TRIM46: variants seen among roughly 807,000 people sequenced by gnomAD.
The protein encoded by TRIM46 is tripartite motif-containing protein 46.
A neutral mutation model predicts 69.7 loss-of-function variants in TRIM46; 17 were observed. The observed-to-expected ratio is 0.24, with a 90% confidence interval of 0.17 to 0.37. The LOEUF (loss-of-function observed/expected upper bound fraction) is 0.37. Among genes scored for constraint, TRIM46 ranks in the 10% least tolerant of loss-of-function variants. The probability of loss-of-function intolerance (pLI) is 1.00; values close to 1 mark genes in which losing one functional copy is unlikely to be tolerated. For synonymous variants in TRIM46, 391 were observed against 429.0 expected (o/e 0.91, Z 1.09); for missense variants, 675 against 1,025.1 (o/e 0.66, Z 4.66).
chr1:155,181,792 C>G lies in TRIM46; in HGVS notation c.1589-60C>G, dbSNP rs1666191387. 11 of 1,551,344 alleles carry G rather than the reference C, an allele frequency of 7.1e-6. No individual in the cohort carries two copies. The highest frequency in any genetic ancestry group is 9.6e-6 in the Non-Finnish European group (11 of 1,141,350). On this transcript the variant is annotated intron_variant, in intron 8 of 9. Coordinates refer to ENST00000334634, the MANE Select transcript of TRIM46 (RefSeq NM_025058.5). This position sits in a 1 kb window ranked among gnomAD's most constrained non-coding sequence, Gnocchi z 4.3. ...TCCCTGTTCTGCAGTCTCACAGCCC[C>G]CAGTGCCAGTGTTTGTCCCTGAAGT...
chr1:155,178,739 T>TTGGGGCCCCC, intron 7 of TRIM46, 126 bp downstream of exon 7: 51 of 1,348,378 alleles, frequency 3.8e-5, no homozygotes, highest in Non-Finnish European at 5.2e-5. Flanking sequence ...CAGCCATTCC[T>TTGGGGCCCCC]CCCACCCAGC....
Position 155,181,702 on chromosome 1 carries a change from T to G in TRIM46, c.1589-150T>G. 6 of 559,484 alleles carry G rather than the reference T, an allele frequency of 1.1e-5. No individual in the cohort carries two copies. The highest frequency in any genetic ancestry group is 4.1e-4 in the Middle Eastern group (1 of 2,414). 34.7% of individuals were successfully genotyped at this position (559,484 alleles called of 1,614,324 possible). On this transcript the variant is annotated intron_variant, in intron 8 of 9. Coordinates refer to ENST00000334634, the MANE Select transcript of TRIM46 (RefSeq NM_025058.5). This position sits in a 1 kb window ranked among gnomAD's most constrained non-coding sequence, Gnocchi z 4.3. ...TTTTCCTCATGCCCCCCATTCCAGT[T>G]TCCCATGTCCTGTTCTCCTGAACCC...
intron 5 of TRIM46, 136 bp downstream of exon 5, chr1:155,177,426 G>C (rs903018775): frequency 6.1e-5 from 46 of 754,436 alleles, no homozygotes; most frequent in African/African-American, 4.0e-4. Context: ...GGTTAAACCA[G>C]GTTTGCAGGA....
Position 155,184,035 on chromosome 1 carries a change from T to G in TRIM46, c.2125T>G (p.Ser709Ala). Residue 709 changes from serine to alanine, a missense_variant, in exon 10 of 10, where the codon TCC (serine) becomes GCC (alanine). Physicochemically the swap from Ser to Ala is moderately conservative, Grantham distance 99 (BLOSUM62 1). This residue lies in a region of TRIM46 where 108 missense variants were observed against 153.0 expected (regional missense o/e 0.71). Coordinates refer to ENST00000334634, the MANE Select transcript of TRIM46 (RefSeq NM_025058.5). The surrounding 1 kb of genome is among the most constrained non-coding windows in gnomAD (Gnocchi z 5.6). ...CCGGGTTTCCTTCCTGGATGCTGTT[T>G]CCTTCCGTGGGCTCTTGGAGTGCCC... Reference protein sequence around the residue: ...RGRVSFLDAVSFRGLLECPLD... With the variant: ...RGRVSFLDAVAFRGLLECPLD... 6.2e-7 allele frequency: 1 copy of G among 1,614,154 alleles called. No homozygotes were observed.
At position 155,182,084 on chromosome 1, in the gene TRIM46, G is replaced by A. The variant is rs1571758083; in HGVS notation, c.1821G>A (p.Val607=). 6.2e-7 allele frequency: 1 copy of A among 1,614,068 alleles called. No homozygotes were observed. Among genetic ancestry groups the A allele is most frequent in the Admixed American group, 1.7e-5 (1 of 59,992 alleles). Residue 607 remains valine, a synonymous_variant, in exon 9 of 10, where the codon GTG becomes GTA. Transcript: ENST00000334634. ...ACCCAGCCTCCTACTTGGTCAAGGT[G>A]GGCGTCGGGCTGGAGAGCAAGCTTC... ...AVDPASYLVK[V]GVGLESKLQE...
rs765689681 is a variant in TRIM46 at position 155,175,759 on chromosome 1, A to T, written c.325+112A>T. The T allele has an allele frequency of 4.4e-6, 7 of 1,590,970 alleles. No homozygotes were observed. Among genetic ancestry groups the T allele is most frequent in the Non-Finnish European group, 6.0e-6 (7 of 1,163,570 alleles). On this transcript the variant is annotated intron_variant, in intron 2 of 9. Coordinates refer to ENST00000334634, the MANE Select transcript of TRIM46 (RefSeq NM_025058.5). The surrounding 1 kb of genome is among the most constrained non-coding windows in gnomAD (Gnocchi z 4.2). ...CTGTCTGTCTTTCTGGGGGGTGGAG[A>T]TACTGCTTACGCAGGCTCTAATGAG...
Position 155,175,699 on chromosome 1 carries a change from G to T in TRIM46, c.325+52G>T. On this transcript the variant is annotated intron_variant, in intron 2 of 9. Coordinates refer to ENST00000334634, the MANE Select transcript of TRIM46 (RefSeq NM_025058.5). The surrounding 1 kb of genome is among the most constrained non-coding windows in gnomAD (Gnocchi z 4.2). ...ATGGGAACGCTGAGCTATTCATCAG[G>T]AAGATGGAAGAAGTCCATCACTGGT... is the stretch of plus-strand genomic sequence containing the variant. 1 of 1,610,684 alleles carries T rather than the reference G, an allele frequency of 6.2e-7. No homozygotes were observed. Among genetic ancestry groups the T allele is most frequent in the Non-Finnish European group, 8.5e-7 (1 of 1,179,660 alleles).
Position 155,179,729 on chromosome 1 carries a change from C to T in TRIM46, c.1383C>T (p.His461=), listed in dbSNP as rs76872124. Residue 461 remains histidine (H), a synonymous_variant, in exon 8 of 10, where the codon CAC becomes CAT. Coordinates refer to ENST00000334634, the MANE Select transcript of TRIM46 (RefSeq NM_025058.5). ...CCCCCCATTCACCACCTGCCTGGCA[C>T]TATACCGTTGAGTTCCGGCGCACGG... ...RLPPHSPPAW[H]YTVEFRRTDV... 2.8e-3 allele frequency: 4,479 copies of T among 1,613,546 alleles called. 242 individuals are homozygous for T. The East Asian group carries it at 0.082, about 30-fold the overall frequency.
In TRIM46 at chr1:155,179,741, G is replaced by A; in HGVS notation, c.1395G>A (p.Glu465=). The A allele has an allele frequency of 6.2e-7, 1 of 1,613,378 alleles. No homozygotes were observed. The highest frequency in any genetic ancestry group is 1.6e-4 in the Middle Eastern group (1 of 6,062). The change falls in exon 8 of 10, where the codon GAG becomes GAA. Residue 465 remains glutamate, a synonymous_variant. Transcript: ENST00000334634. ...HSPPAWHYTV[E]FRRTDVPAQP... is the part of the protein sequence containing the mutation. ...CACCTGCCTGGCACTATACCGTTGA[G>A]TTCCGGCGCACGGATGTGCCTGCTC...
At chr1:155,178,739 T>TTGCCCCCCCCCCCCCCCCCCC in intron 7 of TRIM46, 126 bp downstream of exon 7, 10 of 1,348,468 alleles carry the variant, frequency 7.4e-6, no homozygotes, top group Non-Finnish European at 1.0e-5. Context: ...CAGCCATTCC[T>TTGCCCCCCCCCCCCCCCCCCC]CCCACCCAGC....
chr1:155,182,379 G>A, intron 9 of TRIM46: 1 of 590,588 alleles, frequency 1.7e-6, no homozygotes. Flanking sequence ...GTCAGGGAAA[G>A]GGATGATAGA....
At chr1:155,177,337 G>A in intron 5 of TRIM46, 47 bp downstream of exon 5, 1 of 1,489,340 alleles carries the variant, frequency 6.7e-7, no homozygotes, top group Non-Finnish European at 9.4e-7. Flanking sequence ...CTGGGAGTAG[G>A]GGCAGGAAGG....
intron 1 of TRIM46, chr1:155,174,746 C>T: frequency 1.4e-6 from 2 of 1,458,360 alleles, no homozygotes; most frequent in Non-Finnish European, 1.8e-6. Flanking sequence ...GCTCTTGATT[C>T]CCCCGCTAGT....
chr1:155,174,810 C>T, intron 1 of TRIM46: 4 of 1,445,260 alleles, frequency 2.8e-6, no homozygotes, highest in Non-Finnish European at 3.6e-6. Context: ...GGCGGGAGGG[C>T]CTGATGGGGG....
chr1:155,178,553 C>A lies in TRIM46; in HGVS notation c.1225C>A (p.His409Asn). 6.2e-7 allele frequency: 1 copy of A among 1,614,146 alleles called. No homozygotes were observed. The highest frequency in any genetic ancestry group is 8.5e-7 in the Non-Finnish European group (1 of 1,180,036). ...FRPAASSSFR[H>N]CQLDVGREMK... ...GCCAGCTGCCAGCTCCTCCTTCCGCCATTGCCAGCTCGACGTGGGACGTGA... is the reference window on the plus strand; with the variant it reads ...GCCAGCTGCCAGCTCCTCCTTCCGCAATTGCCAGCTCGACGTGGGACGTGA... Residue 409 changes from histidine to asparagine, a missense_variant, in exon 7 of 10, where the codon CAT becomes AAT. Coordinates refer to ENST00000334634, the MANE Select transcript of TRIM46 (RefSeq NM_025058.5).
Position 155,178,218 on chromosome 1 carries a change from C to A in TRIM46, c.1126C>A (p.Pro376Thr). 6.8e-6 allele frequency: 11 copies of A among 1,609,614 alleles called. No homozygotes were observed. The highest frequency in any genetic ancestry group is 8.5e-6 in the Non-Finnish European group (10 of 1,176,538). ...GGAAGTACTTAAGGAAACAGACCAG[C>A]CTTGCTTTGTGCAAGCCGCCAAGCA... The part of the protein sequence containing the change: ...AQEVLKETDQ[P>T]CFVQAAKQLH... Residue 376 changes from proline to threonine, a missense_variant, in exon 6 of 10, where the codon CCT becomes ACT. By Grantham distance (38) the Pro-to-Thr change is conservative. Coordinates refer to ENST00000334634, the MANE Select transcript of TRIM46 (RefSeq NM_025058.5).
At chr1:155,177,432 C>T (rs969789685) in intron 5 of TRIM46, 142 bp downstream of exon 5, 1 of 715,592 alleles carries the variant, frequency 1.4e-6, no homozygotes, top group African/African-American at 1.7e-5. Flanking sequence ...ACCAGGTTTG[C>T]AGGAACACCA....
intron 7 of TRIM46, 126 bp downstream of exon 7, chr1:155,178,739 T>TGGGGCCCCC: frequency 2.0e-5 from 27 of 1,348,388 alleles, no homozygotes; most frequent in African/African-American, 2.9e-5. Context: ...CAGCCATTCC[T>TGGGGCCCCC]CCCACCCAGC....
chr1:155,180,654 T>C (rs545365825), intron 8 of TRIM46: 30 of 173,996 alleles, frequency 1.7e-4, no homozygotes, highest in Non-Finnish European at 3.0e-4. Flanking sequence ...CTCACACCTG[T>C]AATCCCAGCA....
Sources: allele counts gnomAD v4.1 joint callset, GRCh38; gene constraint gnomAD v4.1.1; regional missense constraint gnomAD v4.1.1; non-coding constraint Gnocchi (gnomAD v3.1); transcripts MANE v1.5; gene names NCBI Gene and HGNC (gene_info 2026-07-23, HGNC 2026-07-21).